The following OXA1L variants were observed in gnomAD, a reference collection of about 807,000 sequenced individuals.
The protein encoded by OXA1L is mitochondrial inner membrane protein OXA1L.
OXA1L carries 42 observed loss-of-function variants against 52.2 expected under a neutral mutation model. That is an observed-to-expected ratio of 0.80 (90% CI 0.63 to 1.04). The LOEUF (loss-of-function observed/expected upper bound fraction) is 1.04. Ranked by LOEUF, OXA1L falls within the 50% of genes least tolerant of loss-of-function variation. The pLI is 0.00. For missense variants in OXA1L, 572 were observed against 555.0 expected (o/e 1.03, Z -0.31); for synonymous variants, 239 against 201.9 (o/e 1.18, Z -1.56).
intron 1 of OXA1L, 76 bp from the exon 2 acceptor site, chr14:22,767,172 T>A: frequency 6.4e-7 from 1 of 1,557,774 alleles, no homozygotes; most frequent in East Asian, 2.3e-5. Flanking sequence ...GGAGTTAGCA[T>A]AATGAATCCC....
chr14:22,767,979 G>A lies in OXA1L; in HGVS notation c.247G>A (p.Ala83Thr). Residue 83 changes from alanine (A) to threonine (T), a missense_variant, in exon 3 of 10, where the codon GCT becomes ACT. Ala to Thr is a moderately conservative substitution (Grantham distance 58). Coordinates refer to ENST00000612549, the MANE Select transcript of OXA1L (RefSeq NM_005015.5). Reference protein sequence around the residue: ...EVQVQAPPVVAATPSPTAVPE... With the variant: ...EVQVQAPPVVTATPSPTAVPE... ...ACAGGTTCAGGCCCCTCCTGTTGTT[G>A]CTGCAACTCCCTCACCCACAGCAGT... is the stretch of plus-strand genomic sequence containing the variant. The A allele has an allele frequency of 6.2e-7, 1 of 1,612,674 alleles. No individual in the cohort carries two copies.
rs56136068 is a variant in OXA1L, at chr14:22,772,488, C to CAAAAAAAAAAAAAAAAAAAA, written c.*942_*961dup. On this transcript the variant is annotated 3_prime_UTR_variant, in exon 10 of 10. Transcript: ENST00000612549. ...TGGGCAAGAGAGTGAGACTCCTTCT[C>CAAAAAAAAAAAAAAAAAAAA]AAAAAAAAAAAAAAAAAAAAAAAAA... 5.3e-5 allele frequency: 4 copies of CAAAAAAAAAAAAAAAAAAAA among 76,000 alleles called. No homozygotes were observed. Among genetic ancestry groups the CAAAAAAAAAAAAAAAAAAAA allele is most frequent in the African/African-American group, 1.9e-4 (3 of 15,978 alleles). The allele number at this position is 76,000 out of a possible 1,614,324, so 4.7% of individuals were successfully genotyped here.
chr14:22,767,279 T>C lies in OXA1L; in HGVS notation c.95T>C (p.Leu32Pro), dbSNP rs757008062. The C allele has an allele frequency of 5.0e-6, 8 of 1,612,680 alleles. No homozygotes were observed. The East Asian group carries it at 1.6e-4, about 31-fold the overall frequency. Reference sequence around the variant, plus strand: ...AGCGTCGCAGGGCCCTCGCAATGGCTTGGGAAACCGCTGACCACACGGCTC... The same window carrying C: ...AGCGTCGCAGGGCCCTCGCAATGGCCTGGGAAACCGCTGACCACACGGCTC... ...VHSVAGPSQW[L>P]GKPLTTRLLF... Residue 32 changes from leucine to proline, a missense_variant, in exon 2 of 10, where the codon CTT (leucine) becomes CCT (proline). Around this residue, in one of 5 missense-constraint regions of OXA1L, gnomAD observed 186 missense variants for 151.8 expected, o/e 1.23. Coordinates refer to ENST00000612549, the MANE Select transcript of OXA1L (RefSeq NM_005015.5).
chr14:22,772,497 A>AAACAAAAACAAAAAC lies in OXA1L; in HGVS notation c.*941_*942insCAAAAACAAAAACAA, dbSNP rs1439221090. ...GAGTGAGACTCCTTCTCAAAAAAAA[A>AAACAAAAACAAAAAC]AAAAAAAAAAAAAAAAAAAAAACAG... On this transcript the variant is annotated 3_prime_UTR_variant, in exon 10 of 10. Transcript: ENST00000612549. The AAACAAAAACAAAAAC allele has an allele frequency of 2.9e-5, 1 of 34,212 alleles. No homozygotes were observed. Among genetic ancestry groups the AAACAAAAACAAAAAC allele is most frequent in the African/African-American group, 6.9e-5 (1 of 14,460 alleles). 2.1% of individuals were successfully genotyped at this position (34,212 alleles called of 1,614,324 possible). A position where few individuals can be genotyped will look rare whatever the true frequency, so the allele number is the denominator to read the frequency against.
In OXA1L at chr14:22,771,545, A is replaced by G. The variant is rs1186824867; in HGVS notation, c.1295A>G (p.Asp432Gly). 6.2e-7 allele frequency: 1 copy of G among 1,614,108 alleles called. No homozygotes were observed. Among genetic ancestry groups the G allele is most frequent in the Non-Finnish European group, 8.5e-7 (1 of 1,180,040 alleles). ...SKPKSKYPWH[D>G]TLG is the part of the protein sequence containing the mutation. The stretch of plus-strand genomic sequence containing the variant: ...CCAAAGTCAAAGTATCCCTGGCACG[A>G]CACACTTGGCTGACTTATGTTCTGT... The change falls in exon 10 of 10, where the codon GAC becomes GGC. Residue 432 changes from aspartate (D) to glycine (G), a missense_variant. By Grantham distance (94) the Asp-to-Gly change is moderately conservative. This residue lies in a region of OXA1L where 244 missense variants were observed against 240.2 expected (regional missense o/e 1.02). Transcript: ENST00000612549.
At position 22,767,626 on chromosome 14, in the gene OXA1L, A is replaced by G. The variant is rs959579364; in HGVS notation, c.225+217A>G. The G allele has an allele frequency of 1.5e-5, 8 of 530,438 alleles. No individual in the cohort carries two copies. The African/African-American group carries it at 1.5e-4, about 10-fold the overall frequency. The allele number at this position is 530,438 out of a possible 1,614,324, so 32.9% of individuals were successfully genotyped here. On this transcript the variant is annotated intron_variant, in intron 2 of 9. Transcript: ENST00000612549. ...GAGAGATGTTATATTTGGTTTTCTGAGCTGTTTTAAAGAAAAGCAATTGTT... is the reference window on the plus strand; with the variant it reads ...GAGAGATGTTATATTTGGTTTTCTGGGCTGTTTTAAAGAAAAGCAATTGTT...
Position 22,771,606 on chromosome 14 carries a change from T to A in OXA1L, c.*48T>A. ...GCAGGAATTCTGTCTCTTCAGAGAC[T>A]CATCCTCAAAACAAGACTTGACACT... On this transcript the variant is annotated 3_prime_UTR_variant, in exon 10 of 10. Transcript: ENST00000612549. 1 of 1,595,036 alleles carries A rather than the reference T, an allele frequency of 6.3e-7. No individual in the cohort carries two copies. The highest frequency in any genetic ancestry group is 8.6e-7 in the Non-Finnish European group (1 of 1,163,166).
intron 3 of OXA1L, 22 bp downstream of exon 3, chr14:22,768,193 C>A: frequency 6.3e-7 from 1 of 1,584,708 alleles, no homozygotes; most frequent in Non-Finnish European, 8.7e-7. Flanking sequence ...ATACCCTGGA[C>A]ATGGGTTAGG....
At chr14:22,766,831 C>T in intron 1 of OXA1L, 67 bp downstream of exon 1, 1 of 1,600,796 alleles carries the variant, frequency 6.2e-7, no homozygotes, top group Admixed American at 1.7e-5. Context: ...CCCAGGACAG[C>T]TCGTGCTAGG....
At chr14:22,770,327 T>G (rs751864832) in intron 5 of OXA1L, 49 bp downstream of exon 5, 1 of 1,527,892 alleles carries the variant, frequency 6.5e-7, no homozygotes, top group Admixed American at 1.7e-5. Context: ...CCATGAAATT[T>G]CCTCTCTGTG....
chr14:22,766,926 A>G (rs2038410274), intron 1 of OXA1L, 162 bp downstream of exon 1: 3 of 1,512,862 alleles, frequency 2.0e-6, no homozygotes, highest in Non-Finnish European at 2.6e-6. Flanking sequence ...TTAGTCCCCG[A>G]CACTATGGGC....
At chr14:22,771,398 T>A (rs2038461429) in intron 9 of OXA1L, 36 bp from the exon 10 acceptor site, 6 of 1,613,982 alleles carry the variant, frequency 3.7e-6, no homozygotes, top group Non-Finnish European at 1.7e-6. Flanking sequence ...TTCCTTTCTG[T>A]TCTTCGTTGA....
At chr14:22,770,727 T>G in intron 6 of OXA1L, 78 bp from the exon 7 acceptor site, 1 of 1,542,370 alleles carries the variant, frequency 6.5e-7, no homozygotes, top group Non-Finnish European at 8.9e-7. Context: ...GGAGAAAGAG[T>G]TGATGGGTAA....
Position 22,771,518 on chromosome 14 carries a change from A to AG in OXA1L, c.1268_1269insG (p.Pro424ThrfsTer55). 6.6e-7 allele frequency: 1 copy of AG among 1,509,300 alleles called. No individual in the cohort carries two copies. Among genetic ancestry groups the AG allele is most frequent in the Non-Finnish European group, 9.1e-7 (1 of 1,093,156 alleles). The allele number at this position is 1,509,300 out of a possible 1,614,324, so 93.5% of individuals were successfully genotyped here. ...CCCAATATCCCTAGCAGCAGCAGCAAACCAAAGTCAAAGTATCCCTGGCAC... is the reference window on the plus strand; with the variant it reads ...CCCAATATCCCTAGCAGCAGCAGCAAGACCAAAGTCAAAGTATCCCTGGCAC... On this transcript the variant is annotated frameshift_variant, in exon 10 of 10. Coordinates refer to ENST00000612549, the MANE Select transcript of OXA1L (RefSeq NM_005015.5). LOFTEE classifies it high-confidence loss of function.
intron 5 of OXA1L, 22 bp from the exon 6 acceptor site, chr14:22,770,439 C>T (rs1345962639): frequency 9.3e-6 from 15 of 1,608,286 alleles, no homozygotes; most frequent in Non-Finnish European, 1.3e-5. Flanking sequence ...AGCATGCTGA[C>T]ACTGTTTATC....
intron 3 of OXA1L, among the ~76,000 whole-genome samples, chr14:22,769,421 G>C (rs2038438547): frequency 6.6e-6 from 1 of 152,136 alleles, no homozygotes; most frequent in African/African-American, 2.4e-5. Flanking sequence ...AGACTGCTCT[G>C]CATCCAATTA....
Position 22,767,311 on chromosome 14 carries a change from C to A in OXA1L, c.127C>A (p.Pro43Thr). 1 of 1,613,526 alleles carries A rather than the reference C, an allele frequency of 6.2e-7. No individual in the cohort carries two copies. The highest frequency in any genetic ancestry group is 8.5e-7 in the Non-Finnish European group (1 of 1,179,692). Residue 43 changes from proline (P) to threonine (T), a missense_variant, in exon 2 of 10, where the codon CCA (proline) becomes ACA (threonine). Physicochemically the swap from Pro to Thr is conservative, Grantham distance 38. Coordinates refer to ENST00000612549, the MANE Select transcript of OXA1L (RefSeq NM_005015.5). Reference protein sequence around the residue: ...GKPLTTRLLFPAAPCCCRPHY... With the variant: ...GKPLTTRLLFTAAPCCCRPHY... ...ACCGCTGACCACACGGCTCCTATTC[C>A]CAGCAGCCCCGTGCTGCTGTCGCCC...
rs2038462780 is a variant in OXA1L, at chr14:22,771,447, G to C, written c.1197G>C (p.Gln399His). 6.2e-7 allele frequency: 1 copy of C among 1,614,180 alleles called. No individual in the cohort carries two copies. Among genetic ancestry groups the C allele is most frequent in the Non-Finnish European group, 8.5e-7 (1 of 1,180,046 alleles). ...LELAARGPLR[Q>H]TFTHNPLLQP... ...TTCTCCCCTCAGGTCCTTTACGACA[G>C]ACCTTTACCCACAACCCTCTCCTAC... is the stretch of plus-strand genomic sequence containing the variant. The change falls in exon 10 of 10, where the codon CAG (glutamine) becomes CAC (histidine). Residue 399 changes from glutamine to histidine, a missense_variant. Physicochemically the swap from Gln to His is conservative, Grantham distance 24. Transcript: ENST00000612549.
chr14:22,766,970 T>G (rs1056285019), intron 1 of OXA1L: 1 of 1,524,492 alleles, frequency 6.6e-7, no homozygotes, highest in African/African-American at 1.4e-5. Flanking sequence ...GGAATTGGCT[T>G]GGCTCCTGGC....
Sources: gnomAD v4.1 joint callset for allele counts (sites outside exome capture counted in the v4.1 genomes callset) on GRCh38, gnomAD v4.1.1 for gene constraint, gnomAD v4.1.1 regional missense constraint, MANE v1.5 for transcripts, NCBI Gene and HGNC (gene_info 2026-07-23, HGNC 2026-07-21) for gene names.